NPEPPS: variants seen among roughly 807,000 people sequenced by gnomAD.
NPEPPS encodes puromycin-sensitive aminopeptidase.
A neutral mutation model predicts 115.5 loss-of-function variants in NPEPPS; 14 were observed. The ratio of observed to expected loss-of-function variants is 0.12; its 90% CI spans 0.08 to 0.19. The LOEUF (loss-of-function observed/expected upper bound fraction) is 0.19. NPEPPS is among the 10% of genes least tolerant of loss of function. The probability of loss-of-function intolerance (pLI) is 1.00; values close to 1 mark genes in which losing one functional copy is unlikely to be tolerated. For synonymous variants in NPEPPS, 285 were observed against 390.6 expected (o/e 0.73, Z 3.19); for missense variants, 523 against 1,110.8 (o/e 0.47, Z 7.52).
chr17:47,527,584 G>A (rs1270969967), upstream of NPEPPS, among the ~76,000 whole-genome samples: 6 of 150,160 alleles, frequency 4.0e-5, no homozygotes, highest in East Asian at 2.0e-4. Flanking sequence ...TGGGCTGGGC[G>A]TGGTGGTTCA....
chr17:47,588,129 G>A (rs911751937), intron 9 of NPEPPS, among the ~76,000 whole-genome samples: 8 of 152,164 alleles, frequency 5.3e-5, no homozygotes, highest in South Asian at 2.1e-4. Flanking sequence ...GAGTCCATAC[G>A]TCATATAAAT....
intron 16 of NPEPPS, among the ~76,000 whole-genome samples, chr17:47,604,547 T>G (rs1233198809): frequency 6.6e-6 from 1 of 152,262 alleles, no homozygotes; most frequent in Non-Finnish European, 1.5e-5. Flanking sequence ...TCTTTATGAC[T>G]TCAGCGTAGG....
chr17:47,532,520 G>T (rs1907882295), intron 1 of NPEPPS, among the ~76,000 whole-genome samples: 1 of 151,968 alleles, frequency 6.6e-6, no homozygotes, highest in African/African-American at 2.4e-5. Context: ...GGGGCGTGGT[G>T]GCGGGCCCCT....
chr17:47,533,648 G>A (rs1391950868), intron 1 of NPEPPS, among the ~76,000 whole-genome samples: 2 of 152,234 alleles, frequency 1.3e-5, no homozygotes, highest in East Asian at 1.9e-4. Context: ...TTTGATTTAA[G>A]TATCGGGATA....
chr17:47,588,766 T>C (rs1176989463), intron 9 of NPEPPS, among the ~76,000 whole-genome samples: 1 of 152,170 alleles, frequency 6.6e-6, no homozygotes, highest in Non-Finnish European at 1.5e-5. Flanking sequence ...TGTACATTCT[T>C]ATTAAACAAC....
intron 2 of NPEPPS, among the ~76,000 whole-genome samples, chr17:47,569,211 T>C (rs565617682): frequency 1.3e-5 from 2 of 152,336 alleles, no homozygotes; most frequent in South Asian, 4.2e-4. Flanking sequence ...AAAGAATTTG[T>C]AATTATTTTT....
In NPEPPS at chr17:47,608,757, GA is replaced by G. The variant is rs1307589153; in HGVS notation, c.2095+3206del. Among the ~76,000 whole-genome samples, 9 of 152,192 alleles carry G rather than the reference GA, an allele frequency of 5.9e-5. No individual in the cohort carries two copies. The East Asian group carries it at 1.7e-3, about 29-fold the overall frequency. Reference sequence around the variant, plus strand: ...CAGTGAGGTAGAAGGAGAGCCAGGAGAGAGGGGGGGTATCCCAGAATTTAAA... The same window carrying G: ...CAGTGAGGTAGAAGGAGAGCCAGGAGGAGGGGGGGTATCCCAGAATTTAAA... On this transcript the variant is annotated intron_variant, in intron 17 of 22. Transcript: ENST00000322157.
chr17:47,534,747 T>C lies in NPEPPS; in HGVS notation c.255+3192T>C, dbSNP rs1175072040. Among the ~76,000 whole-genome samples, 4 of 151,352 alleles carry C rather than the reference T, an allele frequency of 2.6e-5. No individual in the cohort carries two copies. In the South Asian group the frequency reaches 6.2e-4, roughly 24 times the overall value. ...TCACGCCCAACTAATTTTTGTATTT[T>C]TAGTAGAGATGGGGTTTTGCCATGT... On this transcript the variant is annotated intron_variant, in intron 1 of 22. Transcript: ENST00000322157.
At chr17:47,560,579 A>G (rs928067676) in intron 2 of NPEPPS, among the ~76,000 whole-genome samples, 1 of 152,126 alleles carries the variant, frequency 6.6e-6, no homozygotes, top group Non-Finnish European at 1.5e-5. Flanking sequence ...GTCACCTTGA[A>G]GCTTTGCAAA....
At position 47,605,488 on chromosome 17, in the gene NPEPPS, G is replaced by A. The variant is rs774564588; in HGVS notation, c.2031G>A (p.Glu677=). 1.2e-6 allele frequency: 2 copies of A among 1,605,030 alleles called. No homozygotes were observed. Among genetic ancestry groups the A allele is most frequent in the Non-Finnish European group, 1.7e-6 (2 of 1,175,388 alleles). The change falls in exon 17 of 23, where the codon GAG becomes GAA. Residue 677 remains glutamate, a synonymous_variant. Transcript: ENST00000322157. ...SHTDFYEEIQ[E]FVKDVFSPIG... is the part of the protein sequence containing the mutation. Reference sequence around the variant, plus strand: ...CAGACTTCTATGAGGAAATCCAGGAGTTTGTGAAAGATGTCTTTTCACCTA... The same window carrying A: ...CAGACTTCTATGAGGAAATCCAGGAATTTGTGAAAGATGTCTTTTCACCTA...
At chr17:47,533,852 A>T (rs1908001982) in intron 1 of NPEPPS, among the ~76,000 whole-genome samples, 1 of 152,164 alleles carries the variant, frequency 6.6e-6, no homozygotes, top group African/African-American at 2.4e-5. Context: ...TTTTCCAGAA[A>T]TTCTTTTCAG....
At chr17:47,536,014 T>G (rs1169411118) in intron 1 of NPEPPS, among the ~76,000 whole-genome samples, 2 of 151,890 alleles carry the variant, frequency 1.3e-5, no homozygotes, top group African/African-American at 4.8e-5. Context: ...TTTTTTTGTA[T>G]TTTTAGTGGA....
chr17:47,536,193 G>A (rs1908240233), intron 1 of NPEPPS, among the ~76,000 whole-genome samples: 1 of 151,914 alleles, frequency 6.6e-6, no homozygotes, highest in African/African-American at 2.4e-5. Flanking sequence ...TATCATTCAA[G>A]GCCAGAAATC....
chr17:47,537,920 G>C (rs1482592281), intron 1 of NPEPPS, among the ~76,000 whole-genome samples: 1 of 147,476 alleles, frequency 6.8e-6, no homozygotes, highest in Non-Finnish European at 1.5e-5. Context: ...TTGAGACGGA[G>C]TTTCGCTCTG....
intron 5 of NPEPPS, 146 bp downstream of exon 5, chr17:47,582,995 A>T (rs1158004885): frequency 2.0e-6 from 1 of 505,094 alleles, no homozygotes; most frequent in African/African-American, 2.0e-5. Flanking sequence ...ATTTTCAATA[A>T]GCCTCTTTTT....
chr17:47,571,794 AAAGG>A (rs1346707580), intron 3 of NPEPPS, among the ~76,000 whole-genome samples: 3 of 152,330 alleles, frequency 2.0e-5, no homozygotes, highest in Admixed American at 6.5e-5. Context: ...TATAATTTGA[AAAGG>A]AAGGAGATTC....
At chr17:47,600,188 C>T (rs1382349125) in intron 14 of NPEPPS, among the ~76,000 whole-genome samples, 3 of 152,146 alleles carry the variant, frequency 2.0e-5, no homozygotes, top group African/African-American at 7.2e-5. Flanking sequence ...AGTCTCAGTA[C>T]ATTGGGAGGC....
intron 13 of NPEPPS, among the ~76,000 whole-genome samples, chr17:47,598,908 G>C (rs555500038): frequency 2.6e-4 from 39 of 152,236 alleles, no homozygotes; most frequent in Non-Finnish European, 4.7e-4. Context: ...TAGCACTTTA[G>C]GAGGCTAAGG....
At chr17:47,566,945 C>T (rs1052095121) in intron 2 of NPEPPS, among the ~76,000 whole-genome samples, 12 of 152,064 alleles carry the variant, frequency 7.9e-5, no homozygotes, top group South Asian at 4.2e-4. Flanking sequence ...GGCCTAGTGG[C>T]GCCTCATGCC....
Sources: gnomAD v4.1 joint callset for allele counts (sites outside exome capture counted in the v4.1 genomes callset) on GRCh38, gnomAD v4.1.1 for gene constraint, MANE v1.5 for transcripts, NCBI Gene and HGNC (gene_info 2026-07-23, HGNC 2026-07-21) for gene names.